Variants in SLC17A5 observed in about 807,000 individuals in gnomAD.
The protein encoded by SLC17A5 is sialin.
In SLC17A5, 47 loss-of-function variants were observed where a neutral mutation model predicts 59.4. The observed-to-expected ratio is 0.79, with a 90% confidence interval of 0.63 to 1.01. The LOEUF (loss-of-function observed/expected upper bound fraction) is 1.01. Ranked by LOEUF, SLC17A5 falls within the 50% of genes least tolerant of loss-of-function variation. The pLI is 0.00. For synonymous variants in SLC17A5, 202 were observed against 210.7 expected, an observed-to-expected ratio of 0.96 and a Z score of 0.36; for missense variants, 522 against 595.5, an observed-to-expected ratio of 0.88 and a Z score of 1.28.
intron 4 of SLC17A5, 68 bp downstream of exon 4, chr6:73,638,344 G>A: frequency 9.0e-7 from 1 of 1,108,460 alleles, no homozygotes; most frequent in Non-Finnish European, 1.4e-6. Context: ...CTGGTATGCA[G>A]GCCCTTTTTC....
intron 1 of SLC17A5, among the ~76,000 whole-genome samples, chr6:73,649,494 A>T (rs1769745975): frequency 2.6e-5 from 4 of 152,106 alleles, no homozygotes; most frequent in Admixed American, 2.6e-4. Context: ...AATCCCAGCT[A>T]CCTGGGAGGC....
Position 73,626,962 on chromosome 6 carries a change from G to C in SLC17A5, c.820-5000C>G, listed in dbSNP as rs1297845056. Among the ~76,000 whole-genome samples the C allele has an allele frequency of 3.3e-5, 5 of 152,170 alleles. No individual in the cohort carries two copies. The East Asian group carries it at 9.7e-4, about 29-fold the overall frequency. ...AATTTTTGTATTTTGGTAGAGATGG[G>C]GGTTTCACTAAGTTGACCAGGCTGG... On this transcript the variant is annotated intron_variant, in intron 6 of 10. Transcript: ENST00000355773.
chr6:73,604,331 A>T (rs1767297888), intron 9 of SLC17A5, among the ~76,000 whole-genome samples: 1 of 152,236 alleles, frequency 6.6e-6, no homozygotes, highest in Non-Finnish European at 1.5e-5. Context: ...GACCACTTGG[A>T]AGAAAACAAG....
At chr6:73,619,926 T>G (rs993948207) in intron 7 of SLC17A5, among the ~76,000 whole-genome samples, 6 of 148,494 alleles carry the variant, frequency 4.0e-5, no homozygotes, top group Admixed American at 6.7e-5. Context: ...GAATTTGTTT[T>G]TTTTTTTTTT....
chr6:73,641,973 G>A, intron 2 of SLC17A5, 49 bp from the exon 3 acceptor site: 3 of 1,486,690 alleles, frequency 2.0e-6, no homozygotes, highest in Non-Finnish European at 2.8e-6. Flanking sequence ...CCTTCACAGA[G>A]CAGCTCTTTT....
Position 73,594,789 on chromosome 6 carries a change from T to A in SLC17A5, c.*288A>T, listed in dbSNP as rs1245861961. On this transcript the variant is annotated 3_prime_UTR_variant, in exon 11 of 11. Coordinates refer to ENST00000355773, the MANE Select transcript of SLC17A5 (RefSeq NM_012434.5). The stretch of plus-strand genomic sequence containing the variant: ...GAGGTCTGTTTCAGCTCATTCCCTT[T>A]AGTATGGCCCTAAAAAATCAACAGA... 1 of 422,044 alleles carries A rather than the reference T, an allele frequency of 2.4e-6. No homozygotes were observed. 26.1% of individuals were successfully genotyped at this position (422,044 alleles called of 1,614,324 possible).
chr6:73,651,099 C>G (rs1486223893), intron 1 of SLC17A5, among the ~76,000 whole-genome samples: 3 of 152,008 alleles, frequency 2.0e-5, no homozygotes, highest in South Asian at 4.2e-4. Context: ...TTAAAAGAGA[C>G]AAAAAACATT....
At chr6:73,635,590 A>C (rs1449423253) in intron 5 of SLC17A5, 90 bp from the exon 6 acceptor site, 10 of 680,812 alleles carry the variant, frequency 1.5e-5, no homozygotes, top group Non-Finnish European at 2.2e-5. Context: ...GAAAGCACCA[A>C]CAACAATTTT....
intron 6 of SLC17A5, among the ~76,000 whole-genome samples, chr6:73,629,927 G>A (rs1344837716): frequency 6.6e-6 from 1 of 152,084 alleles, no homozygotes; most frequent in Non-Finnish European, 1.5e-5. Flanking sequence ...TGATCTTAAA[G>A]CACTCGCTAG....
chr6:73,614,783 T>C (rs565039069), intron 8 of SLC17A5, among the ~76,000 whole-genome samples: 58 of 152,306 alleles, frequency 3.8e-4, no homozygotes, highest in African/African-American at 1.3e-3. Flanking sequence ...GCATGAAAAC[T>C]CCCTACCCGG....
intron 8 of SLC17A5, among the ~76,000 whole-genome samples, chr6:73,613,605 G>T (rs1376039018): frequency 6.6e-6 from 1 of 152,044 alleles, no homozygotes; most frequent in African/African-American, 2.4e-5. Flanking sequence ...CTTGTGATCT[G>T]CTCACCTCAG....
chr6:73,626,735 A>G (rs993630010), intron 6 of SLC17A5, among the ~76,000 whole-genome samples: 2 of 152,134 alleles, frequency 1.3e-5, no homozygotes, highest in Admixed American at 1.3e-4. Context: ...GTGAAACAAA[A>G]CCCTTGTCAT....
At chr6:73,616,527 G>T (rs1039074244) in intron 7 of SLC17A5, among the ~76,000 whole-genome samples, 1 of 148,740 alleles carries the variant, frequency 6.7e-6, no homozygotes, top group Non-Finnish European at 1.5e-5. Context: ...ACTCAAAAGT[G>T]CATTACATGT....
At chr6:73,616,546 TACACACACACAC>T (rs56306141) in intron 7 of SLC17A5, among the ~76,000 whole-genome samples, 23 of 126,266 alleles carry the variant, frequency 1.8e-4, no homozygotes, top group Admixed American at 5.5e-4. Flanking sequence ...GTTTATTTAC[TACACACACACAC>T]ACACACACAC....
In SLC17A5 at chr6:73,621,543, T is replaced by C. The variant is rs609439; in HGVS notation, c.978+261A>G. ...GCCCATTTTAAAAACTGAGTTGTCTTTTTATTATTGAATTGTAAGAATTCT... is the reference window on the plus strand; with the variant it reads ...GCCCATTTTAAAAACTGAGTTGTCTCTTTATTATTGAATTGTAAGAATTCT... On this transcript the variant is annotated intron_variant, in intron 7 of 10. Transcript: ENST00000355773. Among the ~76,000 whole-genome samples, 24,621 of 152,162 alleles carry C rather than the reference T, an allele frequency of 0.16. 3,050 individuals are homozygous for C. Among genetic ancestry groups the C allele is most frequent in the African/African-American group, 0.34 (14,132 of 41,470 alleles).
intron 5 of SLC17A5, among the ~76,000 whole-genome samples, chr6:73,635,890 G>A (rs1768969658): frequency 6.6e-6 from 1 of 152,004 alleles, no homozygotes; most frequent in Non-Finnish European, 1.5e-5. Context: ...ACAGGCACGT[G>A]CCACCACGCC....
intron 7 of SLC17A5, among the ~76,000 whole-genome samples, chr6:73,616,331 T>G (rs1200423838): frequency 6.6e-6 from 1 of 152,194 alleles, no homozygotes; most frequent in African/African-American, 2.4e-5. Context: ...AGTAATCATG[T>G]ACTCACTTTT....
chr6:73,609,174 A>C (rs181478065), intron 9 of SLC17A5, among the ~76,000 whole-genome samples: 12 of 152,316 alleles, frequency 7.9e-5, no homozygotes, highest in African/African-American at 2.9e-4. Context: ...TTTACAAATA[A>C]AGTGTATTAA....
Position 73,594,413 on chromosome 6 carries a change from T to C in SLC17A5, c.*664A>G, listed in dbSNP as rs1448252548. 4 of 155,730 alleles carry C rather than the reference T, an allele frequency of 2.6e-5. No individual in the cohort carries two copies. Among genetic ancestry groups the C allele is most frequent in the Non-Finnish European group, 4.3e-5 (3 of 70,128 alleles). 9.6% of individuals were successfully genotyped at this position (155,730 alleles called of 1,614,324 possible). On this transcript the variant is annotated 3_prime_UTR_variant, in exon 11 of 11. Transcript: ENST00000355773. ...GATGTATCAAGACCATAGCAGTGGA[T>C]CTCACTGCTCTTGCCTACTCAGGGC...
Sources: gnomAD v4.1 joint callset for allele counts (sites outside exome capture counted in the v4.1 genomes callset) on GRCh38, gnomAD v4.1.1 for gene constraint, MANE v1.5 for transcripts, NCBI Gene and HGNC (gene_info 2026-07-23, HGNC 2026-07-21) for gene names.